The following WWC2 variants were observed in gnomAD, a reference collection of about 807,000 sequenced individuals.
WWC2 encodes WW and C2 domain containing 2, also known as protein WWC2.
A neutral mutation model predicts 138.5 loss-of-function variants in WWC2; 101 were observed. The ratio of observed to expected loss-of-function variants is 0.73; its 90% CI spans 0.62 to 0.86. The LOEUF is 0.86. Ranked by LOEUF, WWC2 falls within the 40% of genes least tolerant of loss-of-function variation. The probability of loss-of-function intolerance (pLI) is 0.00; values close to 1 mark genes in which losing one functional copy is unlikely to be tolerated. For missense variants in WWC2, 1,420 were observed against 1,419.4 expected (o/e 1.00, Z -0.01); for synonymous variants, 558 against 538.4 (o/e 1.04, Z -0.50).
At chr4:183,188,907 A>G (rs1312734275) in intron 1 of WWC2, among the ~76,000 whole-genome samples, 1 of 151,920 alleles carries the variant, frequency 6.6e-6, no homozygotes, top group African/African-American at 2.4e-5. Context: ...TGGCCTCCCA[A>G]AGTGCTGAGA....
chr4:183,244,147 T>C (rs996530839), intron 5 of WWC2, among the ~76,000 whole-genome samples: 3 of 152,114 alleles, frequency 2.0e-5, no homozygotes, highest in African/African-American at 7.2e-5. Flanking sequence ...CAAAAATATG[T>C]CTAAGAACGT....
At chr4:183,280,741 ATTATG>A (rs776806496) in intron 16 of WWC2, 30 bp from the exon 17 acceptor site, 39 of 1,571,300 alleles carry the variant, frequency 2.5e-5, no homozygotes, top group African/African-American at 2.4e-4. Context: ...TTTCAAGTAT[ATTATG>A]TTAATTGCCG....
chr4:183,215,390 C>T (rs904548028), intron 4 of WWC2, among the ~76,000 whole-genome samples: 3 of 151,748 alleles, frequency 2.0e-5, no homozygotes, highest in South Asian at 2.1e-4. Flanking sequence ...AATAGTGCAA[C>T]AGTCTTAGTG....
intron 18 of WWC2, among the ~76,000 whole-genome samples, chr4:183,283,943 C>T (rs917447512): frequency 2.6e-5 from 4 of 152,168 alleles, no homozygotes; most frequent in Non-Finnish European, 5.9e-5. Flanking sequence ...GGAGGCAGCA[C>T]CTCTATTTAT....
chr4:183,214,753 G>C (rs1226485267), intron 4 of WWC2, among the ~76,000 whole-genome samples: 1 of 151,486 alleles, frequency 6.6e-6, no homozygotes, highest in African/African-American at 2.4e-5. Flanking sequence ...GATTGCACCA[G>C]CCTGGGCAAC....
At chr4:183,153,929 C>CCACT (rs1472136946) in intron 1 of WWC2, among the ~76,000 whole-genome samples, 2 of 142,316 alleles carry the variant, frequency 1.4e-5, no homozygotes, top group African/African-American at 5.3e-5. Flanking sequence ...CAGGCATGAA[C>CCACT]CACTGTGCCT....
intron 9 of WWC2, among the ~76,000 whole-genome samples, chr4:183,258,008 C>T (rs1415251204): frequency 1.3e-4 from 20 of 152,174 alleles, no homozygotes; most frequent in Non-Finnish European, 1.5e-5. Context: ...TGAGGACGCT[C>T]CCTAGTGATG....
intron 21 of WWC2, among the ~76,000 whole-genome samples, chr4:183,296,100 T>C (rs190897877): frequency 1.3e-5 from 2 of 152,350 alleles, no homozygotes; most frequent in East Asian, 3.9e-4. Context: ...TCACTTCCTG[T>C]GCCTGCCTCA....
At position 183,285,949 on chromosome 4, in the gene WWC2, TA is replaced by T; in HGVS notation, c.3049-15del. 1.9e-6 allele frequency: 3 copies of T among 1,563,152 alleles called. No individual in the cohort carries two copies. The highest frequency in any genetic ancestry group is 1.7e-4 in the Middle Eastern group (1 of 5,984). ...GTTTGATATGCAGTGATTTTTTTTT[TA>T]AATCTTTTGTTGCCAGTTAAATCGG... On this transcript the variant is annotated splice_polypyrimidine_tract_variant and intron_variant, in intron 19 of 22. Transcript: ENST00000403733.
chr4:183,220,714 G>C (rs1419094792), intron 4 of WWC2, among the ~76,000 whole-genome samples: 2 of 151,816 alleles, frequency 1.3e-5, no homozygotes, highest in Admixed American at 1.3e-4. Context: ...GGCGCCTGTA[G>C]TCCCAGCTAC....
At chr4:183,204,712 A>C (rs1457888346) in intron 2 of WWC2, among the ~76,000 whole-genome samples, 1 of 152,232 alleles carries the variant, frequency 6.6e-6, no homozygotes, top group East Asian at 1.9e-4. Flanking sequence ...CACAATAATC[A>C]AGATAGGGAA....
intron 1 of WWC2, among the ~76,000 whole-genome samples, chr4:183,115,750 C>A (rs1211458216): frequency 6.6e-6 from 1 of 152,084 alleles, no homozygotes; most frequent in African/African-American, 2.4e-5. Context: ...GATTTCAGAC[C>A]TTTGTCAGAT....
chr4:183,142,682 C>G (rs1261062535), intron 1 of WWC2, among the ~76,000 whole-genome samples: 3 of 152,132 alleles, frequency 2.0e-5, no homozygotes, highest in African/African-American at 7.2e-5. Flanking sequence ...TCGTGTCTGT[C>G]TTGTGGATTT....
At chr4:183,136,633 C>T (rs954787333) in intron 1 of WWC2, among the ~76,000 whole-genome samples, 1 of 152,176 alleles carries the variant, frequency 6.6e-6, no homozygotes, top group Non-Finnish European at 1.5e-5. Context: ...GCAAGCTTAT[C>T]CAACCCGTGG....
chr4:183,100,128 G>A (rs1014081549), intron 1 of WWC2, among the ~76,000 whole-genome samples: 13 of 152,300 alleles, frequency 8.5e-5, no homozygotes, highest in African/African-American at 3.1e-4. Flanking sequence ...CCCGAGCTGG[G>A]AAGGGGCTCC....
At chr4:183,223,561 A>C (rs897076303) in intron 4 of WWC2, among the ~76,000 whole-genome samples, 1 of 152,220 alleles carries the variant, frequency 6.6e-6, no homozygotes, top group Non-Finnish European at 1.5e-5. Flanking sequence ...ATTTTGGAAA[A>C]GTTAACTAGA....
intron 19 of WWC2, 134 bp from the exon 20 acceptor site, chr4:183,285,833 T>C: frequency 5.5e-6 from 4 of 727,226 alleles, no homozygotes; most frequent in Non-Finnish European, 9.0e-6. Flanking sequence ...AAAACTTGTT[T>C]GAGGGGATTT....
At chr4:183,191,258 ATTCT>A (rs1286865598) in intron 1 of WWC2, among the ~76,000 whole-genome samples, 1 of 152,186 alleles carries the variant, frequency 6.6e-6, no homozygotes, top group African/African-American at 2.4e-5. Context: ...TTTGAGCACA[ATTCT>A]AAGAATAAAA....
chr4:183,283,288 G>A (rs1027036986), intron 18 of WWC2, among the ~76,000 whole-genome samples: 2 of 152,220 alleles, frequency 1.3e-5, no homozygotes, highest in Non-Finnish European at 2.9e-5. Flanking sequence ...AACATTTAAA[G>A]TTCATTTTGG....
Sources: allele counts gnomAD v4.1 joint callset (sites outside exome capture counted in the v4.1 genomes callset), GRCh38; gene constraint gnomAD v4.1.1; transcripts MANE v1.5; gene names NCBI Gene and HGNC (gene_info 2026-07-23, HGNC 2026-07-21).